The following AADAT variants were observed in gnomAD, a reference collection of about 807,000 sequenced individuals.
AADAT encodes kynurenine/alpha-aminoadipate aminotransferase, mitochondrial.
A neutral mutation model predicts 56.2 loss-of-function variants in AADAT; 25 were observed. The observed-to-expected ratio is 0.44, with a 90% confidence interval of 0.32 to 0.62. The LOEUF is 0.62. Among genes scored for constraint, AADAT ranks in the 20% least tolerant of loss-of-function variants. The probability of loss-of-function intolerance (pLI) is 0.04; values close to 1 mark genes in which losing one functional copy is unlikely to be tolerated. For missense variants in AADAT, 387 were observed against 510.5 expected, an observed-to-expected ratio of 0.76 and a Z score of 2.33; for synonymous variants, 173 against 164.7, an observed-to-expected ratio of 1.05 and a Z score of -0.39.
At chr4:170,089,580 G>A in intron 1 of AADAT, 44 bp downstream of exon 1, 1 of 1,610,530 alleles carries the variant, frequency 6.2e-7, no homozygotes, top group Non-Finnish European at 8.5e-7. Context: ...GGCTGTGCGA[G>A]GAATGCCCCA....
At chr4:170,070,046 T>C (rs1029773108) in intron 6 of AADAT, among the ~76,000 whole-genome samples, 1 of 152,082 alleles carries the variant, frequency 6.6e-6, no homozygotes, top group Non-Finnish European at 1.5e-5. Context: ...ATCCAGGACA[T>C]AAATGACAGG....
chr4:170,073,789 A>G (rs1731906181), intron 4 of AADAT, among the ~76,000 whole-genome samples: 3 of 152,096 alleles, frequency 2.0e-5, no homozygotes, highest in South Asian at 2.1e-4. Flanking sequence ...GTGAGCTGCC[A>G]CGCCCCTGGG....
upstream of AADAT, among the ~76,000 whole-genome samples, chr4:170,090,807 T>C (rs2111225502): frequency 6.6e-6 from 1 of 152,318 alleles, no homozygotes; most frequent in Non-Finnish European, 1.5e-5. Context: ...TCAGACAACC[T>C]CTCTTTGACT....
upstream of AADAT, among the ~76,000 whole-genome samples, chr4:170,091,090 C>T (rs978121842): frequency 1.3e-5 from 2 of 152,256 alleles, no homozygotes; most frequent in Non-Finnish European, 2.9e-5. Flanking sequence ...AGCCCTCGCT[C>T]ACTCTTGGCG....
chr4:170,072,164 A>G (rs1731798954), intron 5 of AADAT, among the ~76,000 whole-genome samples: 1 of 152,088 alleles, frequency 6.6e-6, no homozygotes. Context: ...GTAAACAGAG[A>G]AGAGAACTTA....
chr4:170,061,987 T>A lies in AADAT; in HGVS notation c.1141A>T (p.Met381Leu), dbSNP rs765444553. 48 of 1,610,578 alleles carry A rather than the reference T, an allele frequency of 3.0e-5. No individual in the cohort carries two copies. In the South Asian group the frequency reaches 5.1e-4, roughly 17 times the overall value. The change falls in exon 12 of 13, where the codon ATG becomes TTG. Residue 381 changes from methionine (M) to leucine (L), a missense_variant. By Grantham distance (15) the Met-to-Leu change is conservative. Coordinates refer to ENST00000337664, the MANE Select transcript of AADAT (RefSeq NM_016228.4). Reference protein sequence around the residue: ...EEKAVKMGVLMLPGNAFYVDS... With the variant: ...EEKAVKMGVLLLPGNAFYVDS... ...ACGTAGAAAGCATTTCCAGGGAGCA[T>A]TAATACCTAAGAGAGTTTGTGGAAG...
intron 4 of AADAT, 128 bp from the exon 5 acceptor site, chr4:170,073,473 G>C (rs1731873258): frequency 4.0e-6 from 3 of 755,934 alleles, no homozygotes; most frequent in African/African-American, 1.8e-5. Flanking sequence ...CCCGCAACCA[G>C]CTCTGAGCTC....
At chr4:170,086,379 A>G (rs1732562250) in intron 3 of AADAT, among the ~76,000 whole-genome samples, 7 of 151,878 alleles carry the variant, frequency 4.6e-5, no homozygotes. Flanking sequence ...AGAAGATGGA[A>G]TAACTAATGC....
Position 170,069,138 on chromosome 4 carries a change from A to G in AADAT, c.803+10T>C, listed in dbSNP as rs368703655. ...AGATCTAGCGTCAAGTTAGAGACAC[A>G]GGGCCTTACCCAGAGGAAATGATTT... On this transcript the variant is annotated intron_variant, in intron 7 of 12. Transcript: ENST00000337664. The G allele has an allele frequency of 4.2e-5, 67 of 1,610,806 alleles. No homozygotes were observed. The highest frequency in any genetic ancestry group is 5.3e-5 in the African/African-American group (4 of 74,808).
chr4:170,086,983 A>T, intron 3 of AADAT, 133 bp downstream of exon 3: 1 of 1,210,898 alleles, frequency 8.3e-7, no homozygotes, highest in African/African-American at 1.6e-5. Context: ...TTCCCTGTTT[A>T]TAATTCTAGG....
rs188419555 is a variant in AADAT, at chr4:170,069,296, G to A, written c.721-66C>T. On this transcript the variant is annotated intron_variant, in intron 6 of 12. Coordinates refer to ENST00000337664, the MANE Select transcript of AADAT (RefSeq NM_016228.4). ...CTGTTAGTCACTGTACGATTATTTT[G>A]AATAGAGAGTAGAACAGGAGATGGA... 61 of 1,284,638 alleles carry A rather than the reference G, an allele frequency of 4.7e-5. No individual in the cohort carries two copies. The South Asian group carries it at 7.2e-4, about 15-fold the overall frequency. 79.6% of individuals were successfully genotyped at this position (1,284,638 alleles called of 1,614,324 possible). A position where few individuals can be genotyped will look rare whatever the true frequency, so the allele number is the denominator to read the frequency against.
chr4:170,091,141 G>A (rs1481318554), upstream of AADAT, among the ~76,000 whole-genome samples: 1 of 152,238 alleles, frequency 6.6e-6, no homozygotes, highest in Non-Finnish European at 1.5e-5. Flanking sequence ...CGCTTGAGGG[G>A]CCCTTCAGCC....
chr4:170,066,941 G>C (rs1581571135), intron 9 of AADAT, among the ~76,000 whole-genome samples: 1 of 152,248 alleles, frequency 6.6e-6, no homozygotes, highest in East Asian at 1.9e-4. Context: ...ACTATTTAGG[G>C]AAATTATGTT....
intron 5 of AADAT, among the ~76,000 whole-genome samples, chr4:170,070,975 C>T (rs1485018419): frequency 3.3e-5 from 5 of 152,138 alleles, no homozygotes; most frequent in African/African-American, 1.2e-4. Context: ...TGCAGTGGCG[C>T]GATCTTGGCT....
At position 170,060,771 on chromosome 4, in the gene AADAT, CCATGCAGGCCAGAGTG is replaced by C. The variant is rs879930008; in HGVS notation, c.*141_*156del. 2.1e-5 allele frequency: 9 copies of C among 424,858 alleles called. No homozygotes were observed. The highest frequency in any genetic ancestry group is 3.7e-5 in the Non-Finnish European group (9 of 245,634). The allele number at this position is 424,858 out of a possible 1,614,324, so 26.3% of individuals were successfully genotyped here. ...TTTTTAGAGACAGGGTCTTGTTCTG[CCATGCAGGCCAGAGTG>C]CATGCAGGCCAGAGTGCAGTGGTGT... On this transcript the variant is annotated 3_prime_UTR_variant, in exon 13 of 13. Transcript: ENST00000337664.
chr4:170,070,660 AG>A lies in AADAT; in HGVS notation c.655-9del. The A allele has an allele frequency of 1.3e-6, 2 of 1,521,672 alleles. No individual in the cohort carries two copies. Among genetic ancestry groups the A allele is most frequent in the Non-Finnish European group, 1.8e-6 (2 of 1,107,568 alleles). 94.3% of individuals were successfully genotyped at this position (1,521,672 alleles called of 1,614,324 possible). A position where few individuals can be genotyped will look rare whatever the true frequency, so the allele number is the denominator to read the frequency against. ...ATCATATTTTCTTGCAAGCTAAAAAAGGTTGAAGTAATTGTTTATTTCTTAA... is the reference window on the plus strand; with the variant it reads ...ATCATATTTTCTTGCAAGCTAAAAAAGTTGAAGTAATTGTTTATTTCTTAA... On this transcript the variant is annotated splice_polypyrimidine_tract_variant and intron_variant, in intron 5 of 12. Transcript: ENST00000337664.
intron 2 of AADAT, 145 bp downstream of exon 2, chr4:170,088,251 G>A (rs896120186): frequency 1.6e-5 from 12 of 764,872 alleles, no homozygotes; most frequent in Non-Finnish European, 2.0e-5. Context: ...TGAGTATTTG[G>A]TCATTGAATG....
At chr4:170,081,969 C>T (rs1039018370) in intron 3 of AADAT, among the ~76,000 whole-genome samples, 3 of 152,028 alleles carry the variant, frequency 2.0e-5, no homozygotes, top group Admixed American at 1.3e-4. Context: ...AAACTAAAGC[C>T]GAGAGAATTT....
chr4:170,077,971 T>C (rs2111187954), intron 4 of AADAT, among the ~76,000 whole-genome samples: 1 of 152,252 alleles, frequency 6.6e-6, no homozygotes, highest in East Asian at 1.9e-4. Context: ...ATTTCTGTCT[T>C]AAAGTAGACT....
Sources: gnomAD v4.1 joint callset for allele counts (sites outside exome capture counted in the v4.1 genomes callset) on GRCh38, gnomAD v4.1.1 for gene constraint, MANE v1.5 for transcripts, NCBI Gene and HGNC (gene_info 2026-07-23, HGNC 2026-07-21) for gene names.